The following SNCAIP variants were observed in gnomAD, a reference collection of about 807,000 sequenced individuals.
SNCAIP encodes synuclein alpha interacting protein.
Under a neutral mutation model 86.7 loss-of-function variants are expected in SNCAIP, and 43 were observed. The observed-to-expected ratio is 0.50, with a 90% CI of 0.39 to 0.64. The LOEUF is 0.64. SNCAIP is among the 30% of genes least tolerant of loss of function. The pLI, the probability that SNCAIP is intolerant of heterozygous loss-of-function variation, is 0.00. For missense variants in SNCAIP, 981 were observed against 1,103.1 expected (o/e 0.89, Z 1.57); for synonymous variants, 417 against 427.2 (o/e 0.98, Z 0.29).
intron 7 of SNCAIP, among the ~76,000 whole-genome samples, chr5:122,442,532 A>T (rs891085095): frequency 6.6e-6 from 1 of 152,202 alleles, no homozygotes; most frequent in South Asian, 2.1e-4. Flanking sequence ...ATGAAATTGG[A>T]GAGTATAGGA....
chr5:122,395,648 T>A (rs936891134), intron 2 of SNCAIP, among the ~76,000 whole-genome samples: 1 of 152,154 alleles, frequency 6.6e-6, no homozygotes, highest in African/African-American at 2.4e-5. Context: ...CTGTGCAGCA[T>A]TTTTACTAAA....
chr5:122,461,039 C>T lies in SNCAIP; in HGVS notation c.2755-2452C>T, dbSNP rs139061099. Among the ~76,000 whole-genome samples the T allele has an allele frequency of 2.4e-3, 370 of 152,294 alleles. 2 individuals are homozygous for T. The highest frequency in any genetic ancestry group is 8.4e-3 in the African/African-American group (349 of 41,552). ...TTCTCATGCTTCAGTCATATATCTT[C>T]CCACCCAAGGAAGGTAAACAGTTGC... On this transcript the variant is annotated intron_variant, in intron 10 of 10. Coordinates refer to ENST00000261368, the MANE Select transcript of SNCAIP (RefSeq NM_005460.4).
At position 122,384,862 on chromosome 5, in the gene SNCAIP, G is replaced by A. The variant is rs538564646; in HGVS notation, c.-46-6227G>A. ...TGAAAATACTCCCCTGACAATCCCT[G>A]TTTATCACCCCACCCTCACCATCAC... On this transcript the variant is annotated intron_variant, in intron 1 of 10. Transcript: ENST00000261368. Among the ~76,000 whole-genome samples, 4 of 152,266 alleles carry A rather than the reference G, an allele frequency of 2.6e-5. No homozygotes were observed. The East Asian group carries it at 5.8e-4, about 22-fold the overall frequency.
chr5:122,340,373 T>A (rs894325267), intron 1 of SNCAIP, among the ~76,000 whole-genome samples: 24 of 152,234 alleles, frequency 1.6e-4, no homozygotes, highest in Non-Finnish European at 1.2e-4. Context: ...AGAGCCATCA[T>A]GTTTTCCCCT....
At chr5:122,416,170 T>C (rs1775272934) in intron 3 of SNCAIP, among the ~76,000 whole-genome samples, 1 of 152,102 alleles carries the variant, frequency 6.6e-6, no homozygotes, top group African/African-American at 2.4e-5. Flanking sequence ...TGGGTGCAAA[T>C]AGGGTGCAAA....
At chr5:122,426,163 A>G (rs931668850) in intron 5 of SNCAIP, among the ~76,000 whole-genome samples, 3 of 152,256 alleles carry the variant, frequency 2.0e-5, no homozygotes, top group African/African-American at 7.2e-5. Context: ...GCACATCACT[A>G]GAAGATTAGC....
chr5:122,394,122 T>A (rs1770070424), intron 2 of SNCAIP, among the ~76,000 whole-genome samples: 1 of 152,068 alleles, frequency 6.6e-6, no homozygotes. Flanking sequence ...CCTCCATCTC[T>A]GACAGCCCCT....
At chr5:122,425,818 C>T (rs898443640) in intron 5 of SNCAIP, among the ~76,000 whole-genome samples, 7 of 152,202 alleles carry the variant, frequency 4.6e-5, no homozygotes, top group Non-Finnish European at 5.9e-5. Flanking sequence ...TTCTTAACCA[C>T]ACCTGGATCT....
chr5:122,407,309 T>G (rs1448971544), intron 3 of SNCAIP, among the ~76,000 whole-genome samples: 1 of 152,074 alleles, frequency 6.6e-6, no homozygotes, highest in Non-Finnish European at 1.5e-5. Context: ...AACTAGTAAT[T>G]GCAAAGTGCC....
At chr5:122,447,313 G>C (rs1782538415) in intron 8 of SNCAIP, among the ~76,000 whole-genome samples, 1 of 152,186 alleles carries the variant, frequency 6.6e-6, no homozygotes, top group African/African-American at 2.4e-5. Context: ...AAGCCACCCA[G>C]TTTGTGGTAC....
chr5:122,436,741 C>G (rs1779574034), intron 6 of SNCAIP: 1 of 152,108 alleles, frequency 6.6e-6, no homozygotes, highest in Non-Finnish European at 1.5e-5. Flanking sequence ...AGCAATAAAC[C>G]TGTGACATAC....
At chr5:122,318,645 A>G (rs1415885079) in intron 1 of SNCAIP, among the ~76,000 whole-genome samples, 1 of 152,208 alleles carries the variant, frequency 6.6e-6, no homozygotes, top group African/African-American at 2.4e-5. Flanking sequence ...TGGGACATGA[A>G]GACAGATTCT....
In SNCAIP at chr5:122,450,591, G is replaced by A; in HGVS notation, c.1744G>A (p.Asp582Asn). The A allele has an allele frequency of 1.2e-6, 2 of 1,614,130 alleles. No individual in the cohort carries two copies. Among genetic ancestry groups the A allele is most frequent in the Non-Finnish European group, 1.7e-6 (2 of 1,180,014 alleles). The change falls in exon 10 of 11, where the codon GAT becomes AAT. Residue 582 changes from aspartate to asparagine, a missense_variant. By Grantham distance (23) the Asp-to-Asn change is conservative. Coordinates refer to ENST00000261368, the MANE Select transcript of SNCAIP (RefSeq NM_005460.4). ...GTGGAAATCTCCAGATGCAGATGAT[G>A]ATTCTGTAGCCAAAAGCAAGCCAGG... is the stretch of plus-strand genomic sequence containing the variant. ...SQWKSPDADD[D>N]SVAKSKPGVQ...
intron 1 of SNCAIP, among the ~76,000 whole-genome samples, chr5:122,387,842 G>A (rs142839547): frequency 1.3e-5 from 2 of 152,344 alleles, no homozygotes; most frequent in South Asian, 2.1e-4. Flanking sequence ...ATTGTGATGT[G>A]CCAATAGTTT....
chr5:122,331,534 G>C (rs951882566), intron 1 of SNCAIP, among the ~76,000 whole-genome samples: 1 of 152,200 alleles, frequency 6.6e-6, no homozygotes, highest in African/African-American at 2.4e-5. Flanking sequence ...AGGCCACTGT[G>C]ACAAAATACC....
chr5:122,414,267 G>C (rs930572591), intron 3 of SNCAIP, among the ~76,000 whole-genome samples: 1 of 144,046 alleles, frequency 6.9e-6, no homozygotes, highest in East Asian at 2.0e-4. Flanking sequence ...GTCTTGCTCT[G>C]TTGCCCAGGC....
intron 1 of SNCAIP, among the ~76,000 whole-genome samples, chr5:122,340,169 G>T (rs1283242571): frequency 6.6e-6 from 1 of 151,714 alleles, no homozygotes; most frequent in East Asian, 1.9e-4. Flanking sequence ...TTTCCCTGTT[G>T]CACCTGAAGT....
chr5:122,365,515 C>A (rs1205540261), intron 1 of SNCAIP, among the ~76,000 whole-genome samples: 2 of 152,038 alleles, frequency 1.3e-5, no homozygotes, highest in African/African-American at 4.8e-5. Context: ...CCCATCTGTG[C>A]TAAAATTACA....
At chr5:122,448,715 AAT>A (rs1360261467) in intron 8 of SNCAIP, among the ~76,000 whole-genome samples, 2 of 139,166 alleles carry the variant, frequency 1.4e-5, no homozygotes, top group Admixed American at 7.7e-5. Flanking sequence ...ACATATATAT[AAT>A]ATATATGTTT....
Sources: allele counts gnomAD v4.1 joint callset (sites outside exome capture counted in the v4.1 genomes callset), GRCh38; gene constraint gnomAD v4.1.1; transcripts MANE v1.5; gene names NCBI Gene and HGNC (gene_info 2026-07-23, HGNC 2026-07-21).